The following RPS6KA5 variants were observed in gnomAD, a reference collection of about 807,000 sequenced individuals.
RPS6KA5 encodes the protein ribosomal protein S6 kinase alpha-5.
A neutral mutation model predicts 85.5 loss-of-function variants in RPS6KA5; 27 were observed. The observed-to-expected ratio is 0.32, with a 90% CI of 0.23 to 0.44. The LOEUF (loss-of-function observed/expected upper bound fraction) is 0.44. Among genes scored for constraint, RPS6KA5 ranks in the 20% least tolerant of loss-of-function variants. The pLI is 1.00. For synonymous variants in RPS6KA5, 334 were observed against 348.2 expected (o/e 0.96, Z 0.46); for missense variants, 811 against 980.9 (o/e 0.83, Z 2.31).
intron 4 of RPS6KA5, among the ~76,000 whole-genome samples, chr14:90,944,658 G>C (rs979657569): frequency 6.6e-6 from 1 of 152,142 alleles, no homozygotes; most frequent in Non-Finnish European, 1.5e-5. Context: ...GGGAGGCTGA[G>C]GCAGGAGAAT....
At chr14:90,987,182 T>G (rs1490137559) in intron 2 of RPS6KA5, among the ~76,000 whole-genome samples, 1 of 152,148 alleles carries the variant, frequency 6.6e-6, no homozygotes. Flanking sequence ...AAATGCAAAA[T>G]TATAAATTTT....
At chr14:90,919,780 G>A (rs1020252321) in intron 7 of RPS6KA5, among the ~76,000 whole-genome samples, 2 of 152,108 alleles carry the variant, frequency 1.3e-5, no homozygotes, top group African/African-American at 4.8e-5. Flanking sequence ...ATAATTTTAC[G>A]ATATTTGTTT....
chr14:90,875,421 A>C (rs903495594), intron 14 of RPS6KA5, 61 bp from the exon 15 acceptor site: 30 of 1,471,982 alleles, frequency 2.0e-5, no homozygotes, highest in Non-Finnish European at 2.7e-5. Context: ...CCACTCTAAT[A>C]ATCCTAATAG....
rs186023265 is a variant in RPS6KA5, at chr14:90,849,361, C to T, written c.*22713G>A. 28 of 152,350 alleles carry T rather than the reference C, an allele frequency of 1.8e-4. No homozygotes were observed. The highest frequency in any genetic ancestry group is 6.7e-4 in the African/African-American group (28 of 41,578). 9.4% of individuals were successfully genotyped at this position (152,350 alleles called of 1,614,324 possible). On this transcript the variant is annotated 3_prime_UTR_variant, in exon 17 of 17. Coordinates refer to ENST00000614987, the MANE Select transcript of RPS6KA5 (RefSeq NM_004755.4). Reference sequence around the variant, plus strand: ...AAAGTTTTTTAAGAGGGCACGGACTCCGGATCTTTTATCTTATGAATAGAT... The same window carrying T: ...AAAGTTTTTTAAGAGGGCACGGACTTCGGATCTTTTATCTTATGAATAGAT...
chr14:90,927,040 A>G (rs2036713049), intron 5 of RPS6KA5, among the ~76,000 whole-genome samples: 1 of 151,932 alleles, frequency 6.6e-6, no homozygotes, highest in South Asian at 2.1e-4. Context: ...AATTAGATAA[A>G]TAACTGAAGT....
At chr14:91,016,579 G>GT (rs1178129341) in intron 1 of RPS6KA5, among the ~76,000 whole-genome samples, 1 of 152,094 alleles carries the variant, frequency 6.6e-6, no homozygotes, top group Non-Finnish European at 1.5e-5. Flanking sequence ...GTGTGTTTCT[G>GT]TGAGTTTTTT....
chr14:90,918,204 T>C (rs1379071405), intron 7 of RPS6KA5, among the ~76,000 whole-genome samples: 1 of 152,190 alleles, frequency 6.6e-6, no homozygotes, highest in Non-Finnish European at 1.5e-5. Context: ...GTATTATCAG[T>C]CTCTTTATTT....
chr14:91,039,649 GGGAC>G (rs2042529710), intron 1 of RPS6KA5, among the ~76,000 whole-genome samples: 1 of 152,172 alleles, frequency 6.6e-6, no homozygotes, highest in Non-Finnish European at 1.5e-5. Context: ...TCAAAAGCCT[GGGAC>G]GGAAAGTAAA....
At chr14:90,926,825 G>A (rs868670689) in intron 5 of RPS6KA5, among the ~76,000 whole-genome samples, 1 of 151,854 alleles carries the variant, frequency 6.6e-6, no homozygotes, top group Non-Finnish European at 1.5e-5. Flanking sequence ...TTGCTAAAAA[G>A]AAATCTAACG....
chr14:91,017,880 C>T (rs1308696630), intron 1 of RPS6KA5, among the ~76,000 whole-genome samples: 1 of 152,190 alleles, frequency 6.6e-6, no homozygotes, highest in Non-Finnish European at 1.5e-5. Flanking sequence ...CTCCTTATGC[C>T]TTTGTATCAC....
chr14:90,900,026 G>A, intron 11 of RPS6KA5, 82 bp downstream of exon 11: 1 of 1,210,168 alleles, frequency 8.3e-7, no homozygotes, highest in Non-Finnish European at 1.1e-6. Flanking sequence ...ATATAATACT[G>A]GTTTCAATTA....
intron 8 of RPS6KA5, among the ~76,000 whole-genome samples, chr14:90,903,777 T>C (rs985455937): frequency 1.3e-5 from 2 of 152,170 alleles, no homozygotes; most frequent in Non-Finnish European, 1.5e-5. Context: ...ATGCCATTAC[T>C]GATAGTAAGA....
rs28805638 is a variant in RPS6KA5, at chr14:90,952,200, C to T, written c.395-4650G>A. Among the ~76,000 whole-genome samples, 1,486 of 152,314 alleles carry T rather than the reference C, an allele frequency of 9.8e-3. 10 individuals are homozygous for T. Among genetic ancestry groups the T allele is most frequent in the South Asian group, 0.034 (162 of 4,822 alleles). On this transcript the variant is annotated intron_variant, in intron 3 of 16. Transcript: ENST00000614987. Reference sequence around the variant, plus strand: ...TCTTCCTATATAGAGTTGTGTTAAGCCTCCTTACATGCTATTAGTGGGAAA... The same window carrying T: ...TCTTCCTATATAGAGTTGTGTTAAGTCTCCTTACATGCTATTAGTGGGAAA...
chr14:90,879,111 C>T (rs1470718014), intron 14 of RPS6KA5, among the ~76,000 whole-genome samples: 4 of 152,198 alleles, frequency 2.6e-5, no homozygotes, highest in Non-Finnish European at 1.5e-5. Context: ...CTGAGTGCCT[C>T]AAACATGTGA....
chr14:90,873,885 T>C, intron 15 of RPS6KA5, 90 bp from the exon 16 acceptor site: 1 of 1,127,334 alleles, frequency 8.9e-7, no homozygotes, highest in South Asian at 1.4e-5. Flanking sequence ...TATGTTCACA[T>C]GACATAATGG....
rs2034473898 is a variant in RPS6KA5, at chr14:90,890,209, T to G, written c.1836+278A>C. 3.3e-5 allele frequency among the ~76,000 whole-genome samples: 5 copies of G among 152,322 alleles called. No homozygotes were observed. In the South Asian group the frequency reaches 1.0e-3, roughly 32 times the overall value. On this transcript the variant is annotated intron_variant, in intron 14 of 16. Coordinates refer to ENST00000614987, the MANE Select transcript of RPS6KA5 (RefSeq NM_004755.4). ...CATTATGTCCAATATAATATGTGTCTTTAAAAATATATGCTATAGTTCCTT... is the reference window on the plus strand; with the variant it reads ...CATTATGTCCAATATAATATGTGTCGTTAAAAATATATGCTATAGTTCCTT...
intron 2 of RPS6KA5, among the ~76,000 whole-genome samples, chr14:91,000,184 T>C (rs1377209879): frequency 6.6e-6 from 1 of 152,226 alleles, no homozygotes; most frequent in Non-Finnish European, 1.5e-5. Flanking sequence ...TTTATATTTA[T>C]TCATATAATG....
At chr14:90,926,396 A>G (rs908565108) in intron 5 of RPS6KA5, among the ~76,000 whole-genome samples, 1 of 149,348 alleles carries the variant, frequency 6.7e-6, no homozygotes, top group East Asian at 1.9e-4. Context: ...GTCTCAAAAA[A>G]AAAAAACAAA....
chr14:90,895,481 G>C (rs1308814543), intron 12 of RPS6KA5, among the ~76,000 whole-genome samples: 3 of 152,132 alleles, frequency 2.0e-5, no homozygotes, highest in Non-Finnish European at 4.4e-5. Flanking sequence ...ATGGGTTTTT[G>C]CTTTAATCCC....
Sources: allele counts gnomAD v4.1 joint callset (sites outside exome capture counted in the v4.1 genomes callset), GRCh38; gene constraint gnomAD v4.1.1; transcripts MANE v1.5; gene names NCBI Gene and HGNC (gene_info 2026-07-23, HGNC 2026-07-21).